GRID2: variants seen among roughly 807,000 people sequenced by gnomAD.
The protein encoded by GRID2 is glutamate receptor ionotropic, delta-2.
GRID2 carries 33 observed loss-of-function variants against 114.8 expected under a neutral mutation model. That is an observed-to-expected ratio of 0.29 (90% CI 0.22 to 0.38). The LOEUF (loss-of-function observed/expected upper bound fraction) is 0.38. GRID2 is among the 10% of genes least tolerant of loss of function. The pLI, the probability that GRID2 is intolerant of heterozygous loss-of-function variation, is 1.00. For missense variants in GRID2, 1,184 were observed against 1,257.7 expected, an observed-to-expected ratio of 0.94 and a Z score of 0.89; for synonymous variants, 505 against 449.9, an observed-to-expected ratio of 1.12 and a Z score of -1.55.
At chr4:93,298,792 G>A (rs1754573549) in intron 8 of GRID2, among the ~76,000 whole-genome samples, 1 of 152,124 alleles carries the variant, frequency 6.6e-6, no homozygotes, top group South Asian at 2.1e-4. Flanking sequence ...CAATTACAGA[G>A]GTAACTTTCA....
intron 1 of GRID2, among the ~76,000 whole-genome samples, chr4:92,563,146 C>G (rs1403498385): frequency 1.3e-5 from 2 of 152,124 alleles, no homozygotes; most frequent in South Asian, 2.1e-4. Context: ...CATCCCTCCA[C>G]CATGCTCCCC....
chr4:93,671,781 C>A (rs1000424036), intron 14 of GRID2, among the ~76,000 whole-genome samples: 2 of 151,616 alleles, frequency 1.3e-5, no homozygotes, highest in African/African-American at 2.4e-5. Flanking sequence ...CTGGCCTGAC[C>A]AACATGCTGA....
intron 1 of GRID2, among the ~76,000 whole-genome samples, chr4:92,448,843 A>G (rs942096781): frequency 6.6e-6 from 1 of 152,114 alleles, no homozygotes; most frequent in African/African-American, 2.4e-5. Context: ...TAAAGGAACT[A>G]ATACATAAAA....
In GRID2 at chr4:93,237,992, A is replaced by G. The variant is rs76333066; in HGVS notation, c.1126-379A>G. Among the ~76,000 whole-genome samples, 748 of 151,956 alleles carry G rather than the reference A, an allele frequency of 4.9e-3. 7 individuals carry two copies. The highest frequency in any genetic ancestry group is 0.017 in the African/African-American group (721 of 41,534). ...AGAAGATTGTTGAAATCTATCTTAT[A>G]TAGATTTTATGCACTCCAGAAGCAT... On this transcript the variant is annotated intron_variant, in intron 7 of 15. Transcript: ENST00000282020.
intron 7 of GRID2, among the ~76,000 whole-genome samples, chr4:93,233,702 T>C (rs1746425031): frequency 6.6e-6 from 1 of 152,086 alleles, no homozygotes; most frequent in Admixed American, 6.6e-5. Flanking sequence ...GCTTGCCAAG[T>C]AGAGAATTCT....
At chr4:93,108,881 G>A (rs113375017) in intron 3 of GRID2, among the ~76,000 whole-genome samples, 5 of 151,862 alleles carry the variant, frequency 3.3e-5, no homozygotes, top group Admixed American at 6.6e-5. Flanking sequence ...TGCCCCCCTC[G>A]GTCTCCCAAA....
intron 4 of GRID2, among the ~76,000 whole-genome samples, chr4:93,194,655 C>A (rs1212733250): frequency 6.6e-6 from 1 of 152,156 alleles, no homozygotes; most frequent in African/African-American, 2.4e-5. Flanking sequence ...CTGGTACATT[C>A]TTCAGGTGCT....
chr4:93,357,566 A>G (rs988397925), intron 8 of GRID2, among the ~76,000 whole-genome samples: 1 of 151,288 alleles, frequency 6.6e-6, no homozygotes, highest in Non-Finnish European at 1.5e-5. Flanking sequence ...TTTGGTTTCC[A>G]AGTTTATTTT....
chr4:92,802,146 A>T (rs558712667), intron 2 of GRID2, among the ~76,000 whole-genome samples: 6 of 151,804 alleles, frequency 4.0e-5, no homozygotes, highest in Non-Finnish European at 7.4e-5. Context: ...TTTTTTAGAG[A>T]AGTTTTAGGC....
At chr4:93,783,601 A>G (rs113761666) in intron 1 of GRID2, among the ~76,000 whole-genome samples, 142 of 152,328 alleles carry the variant, frequency 9.3e-4, no homozygotes, top group African/African-American at 3.3e-3. Context: ...AGCTTAGAAA[A>G]CACAAACAGA....
intron 1 of GRID2, among the ~76,000 whole-genome samples, chr4:92,443,820 G>T (rs368630901): frequency 6.6e-6 from 1 of 152,212 alleles, no homozygotes; most frequent in African/African-American, 2.4e-5. Flanking sequence ...TGAAACGTGG[G>T]TTGAATAATC....
intron 2 of GRID2, among the ~76,000 whole-genome samples, chr4:93,003,068 C>T (rs904728155): frequency 6.6e-6 from 1 of 151,818 alleles, no homozygotes; most frequent in African/African-American, 2.4e-5. Flanking sequence ...AGACAATCTC[C>T]ACATCCCAAG....
intron 12 of GRID2, among the ~76,000 whole-genome samples, chr4:93,507,707 A>G (rs1404447585): frequency 2.0e-5 from 3 of 152,218 alleles, no homozygotes; most frequent in African/African-American, 4.8e-5. Context: ...TAACTTTTTC[A>G]AGAGCAAATA....
chr4:92,566,642 A>G (rs1240596359), intron 1 of GRID2, among the ~76,000 whole-genome samples: 2 of 152,172 alleles, frequency 1.3e-5, no homozygotes, highest in African/African-American at 2.4e-5. Flanking sequence ...TGCTATTACT[A>G]TAGAGTGATA....
At chr4:93,522,207 C>A (rs1319988708) in intron 13 of GRID2, among the ~76,000 whole-genome samples, 1 of 152,120 alleles carries the variant, frequency 6.6e-6, no homozygotes, top group African/African-American at 2.4e-5. Context: ...TAAGGAAGTT[C>A]ATCCTTGACT....
At chr4:93,196,783 T>C (rs553808103) in intron 4 of GRID2, among the ~76,000 whole-genome samples, 4 of 152,264 alleles carry the variant, frequency 2.6e-5, no homozygotes, top group Middle Eastern at 3.4e-3. Context: ...AGAAGCTTTT[T>C]TGTTTTCCTC....
intron 4 of GRID2, among the ~76,000 whole-genome samples, chr4:93,196,735 G>T (rs1741533383): frequency 6.6e-6 from 1 of 152,092 alleles, no homozygotes; most frequent in South Asian, 2.1e-4. Context: ...TTGCTTTATT[G>T]GCACAGTATC....
chr4:93,038,847 G>A (rs1725201230), intron 2 of GRID2, among the ~76,000 whole-genome samples: 1 of 151,912 alleles, frequency 6.6e-6, no homozygotes, highest in Non-Finnish European at 1.5e-5. Flanking sequence ...TGGAGAAATA[G>A]GAATGCTTTC....
chr4:93,456,010 A>G, intron 11 of GRID2, 36 bp downstream of exon 11: 1 of 1,233,336 alleles, frequency 8.1e-7, no homozygotes. Context: ...ATTTAAAAAA[A>G]ATAGAATGTG....
Sources: gnomAD v4.1 joint callset for allele counts (sites outside exome capture counted in the v4.1 genomes callset) on GRCh38, gnomAD v4.1.1 for gene constraint, MANE v1.5 for transcripts, NCBI Gene and HGNC (gene_info 2026-07-23, HGNC 2026-07-21) for gene names.